Variants in MINK1 observed in about 807,000 individuals in gnomAD.
The protein encoded by MINK1 is misshapen like kinase 1, also known as misshapen-like kinase 1.
Under a neutral mutation model 178.4 loss-of-function variants are expected in MINK1, and 46 were observed. The ratio of observed to expected loss-of-function variants is 0.26; its 90% CI spans 0.20 to 0.33. The LOEUF (loss-of-function observed/expected upper bound fraction) is 0.33. Ranked by LOEUF, MINK1 falls within the 10% of genes least tolerant of loss-of-function variation. The pLI, the probability that MINK1 is intolerant of heterozygous loss-of-function variation, is 1.00. For synonymous variants in MINK1, 797 were observed against 709.7 expected, an observed-to-expected ratio of 1.12 and a Z score of -1.96; for missense variants, 1,366 against 1,814.9, an observed-to-expected ratio of 0.75 and a Z score of 4.49.
rs1968789762 is a variant in MINK1 at position 4,891,316 on chromosome 17, G to A, written c.1741-140G>A. The A allele has an allele frequency of 1.4e-5, 18 of 1,273,392 alleles. No individual in the cohort carries two copies. The South Asian group carries it at 2.2e-4, about 16-fold the overall frequency. 78.9% of individuals were successfully genotyped at this position (1,273,392 alleles called of 1,614,324 possible). ...TGCTGCCTGTGTCTGTCCTGACTTAGCTGTCATCAGGCTCAAGGAACCCCT... is the reference window on the plus strand; with the variant it reads ...TGCTGCCTGTGTCTGTCCTGACTTAACTGTCATCAGGCTCAAGGAACCCCT... On this transcript the variant is annotated intron_variant, in intron 15 of 31. Coordinates refer to ENST00000355280, the MANE Select transcript of MINK1 (RefSeq NM_153827.5).
chr17:4,838,528 C>T (rs2150731778), intron 1 of MINK1, among the ~76,000 whole-genome samples: 1 of 152,282 alleles, frequency 6.6e-6, no homozygotes, highest in Middle Eastern at 3.4e-3. Context: ...GACAGGGTAG[C>T]ACACACAACT....
rs184532418 is a variant in MINK1, at chr17:4,867,496, T to A, written c.58-10821T>A. Among the ~76,000 whole-genome samples, 545 of 151,358 alleles carry A rather than the reference T, an allele frequency of 3.6e-3. 2 individuals are homozygous for A. Among genetic ancestry groups the A allele is most frequent in the Non-Finnish European group, 5.9e-3 (399 of 67,822 alleles). On this transcript the variant is annotated intron_variant, in intron 1 of 31. Coordinates refer to ENST00000355280, the MANE Select transcript of MINK1 (RefSeq NM_153827.5). Reference sequence around the variant, plus strand: ...GAGACCTAGCTCTAAAAAAGAATAATAATTAAAATTTTTAAAAATTGGGCC... The same window carrying A: ...GAGACCTAGCTCTAAAAAAGAATAAAAATTAAAATTTTTAAAAATTGGGCC...
intron 1 of MINK1, among the ~76,000 whole-genome samples, chr17:4,842,636 A>G (rs935091687): frequency 6.6e-6 from 1 of 152,168 alleles, no homozygotes; most frequent in African/African-American, 2.4e-5. Context: ...GCACATTTTT[A>G]AGAAAGTGGC....
At chr17:4,892,059 G>T (rs1310596697) in intron 16 of MINK1, 90 bp from the exon 17 acceptor site, 4 of 1,063,960 alleles carry the variant, frequency 3.8e-6, no homozygotes, top group Admixed American at 2.4e-5. Context: ...CCATCAAAGT[G>T]GGGGAGCTCA....
At chr17:4,867,074 A>ATAATAATAATAAT (rs75060982) in intron 1 of MINK1, among the ~76,000 whole-genome samples, 1 of 119,966 alleles carries the variant, frequency 8.3e-6, no homozygotes, top group Non-Finnish European at 1.6e-5. Flanking sequence ...ACTCGTCTCA[A>ATAATAATAATAAT]AATAATAATA....
At chr17:4,877,909 C>T (rs1474850779) in intron 1 of MINK1, among the ~76,000 whole-genome samples, 3 of 149,990 alleles carry the variant, frequency 2.0e-5, no homozygotes, top group Non-Finnish European at 4.4e-5. Flanking sequence ...CTCCCAGGTT[C>T]ACGCCATTCT....
At position 4,893,833 on chromosome 17, in the gene MINK1, G is replaced by A. The variant is rs1347264794; in HGVS notation, c.2565-155G>A. On this transcript the variant is annotated intron_variant, in intron 21 of 31. Transcript: ENST00000355280. ...CCTGCCCTGTGTGCCATGCAGGGAA[G>A]CACCTCACGGTGGAGCAGGGGCTAC... The A allele has an allele frequency of 3.5e-6, 3 of 853,428 alleles. No individual in the cohort carries two copies. In the Admixed American group the frequency reaches 9.2e-5, roughly 26 times the overall value. The allele number at this position is 853,428 out of a possible 1,614,324, so 52.9% of individuals were successfully genotyped here.
chr17:4,892,059 G>A, intron 16 of MINK1, 90 bp from the exon 17 acceptor site: 3 of 1,064,080 alleles, frequency 2.8e-6, no homozygotes, highest in Middle Eastern at 4.0e-4. Flanking sequence ...CCATCAAAGT[G>A]GGGGAGCTCA....
Position 4,896,971 on chromosome 17 carries a change from T to C in MINK1, c.3915+158T>C. ...GTCAGCCACTACCACTGCCCTGCGC[T>C]CCCTTCAGATTCCGAGGACTTCCCA... On this transcript the variant is annotated intron_variant, in intron 31 of 31. Coordinates refer to ENST00000355280, the MANE Select transcript of MINK1 (RefSeq NM_153827.5). The surrounding 1 kb of genome is among the most constrained non-coding windows in gnomAD (Gnocchi z 4.6). The C allele has an allele frequency of 1.8e-6, 2 of 1,092,922 alleles. No homozygotes were observed. The highest frequency in any genetic ancestry group is 2.6e-6 in the Non-Finnish European group (2 of 777,156). The allele number at this position is 1,092,922 out of a possible 1,614,324, so 67.7% of individuals were successfully genotyped here.
In MINK1 at chr17:4,887,279, GCA is replaced by G; in HGVS notation, c.1019+103_1019+104del. Reference sequence around the variant, plus strand: ...GGGACTCTCAGCCTGGGGGTGGTGGGCACAGAGAGGTAGAGACTCCTGGAAAC... The same window carrying G: ...GGGACTCTCAGCCTGGGGGTGGTGGGCAGAGAGGTAGAGACTCCTGGAAAC... On this transcript the variant is annotated intron_variant, in intron 11 of 31. Coordinates refer to ENST00000355280, the MANE Select transcript of MINK1 (RefSeq NM_153827.5). The surrounding 1 kb of genome is among the most constrained non-coding windows in gnomAD (Gnocchi z 7.6). 4 of 1,256,612 alleles carry G rather than the reference GCA, an allele frequency of 3.2e-6. No individual in the cohort carries two copies. Among genetic ancestry groups the G allele is most frequent in the Non-Finnish European group, 4.5e-6 (4 of 885,538 alleles). 77.8% of individuals were successfully genotyped at this position (1,256,612 alleles called of 1,614,324 possible).
Position 4,896,476 on chromosome 17 carries a change from C to A in MINK1, c.3663C>A (p.Thr1221=), listed in dbSNP as rs375006681. The change falls in exon 30 of 32, where the codon ACC becomes ACA. Residue 1221 remains threonine, a synonymous_variant. Coordinates refer to ENST00000355280, the MANE Select transcript of MINK1 (RefSeq NM_153827.5). This position sits in a 1 kb window ranked among gnomAD's most constrained non-coding sequence, Gnocchi z 4.6. The part of the protein sequence containing the change: ...TPHAIIFLPN[T]DGMEMLLCYE... ...ATGCCATCATCTTCCTCCCCAACAC[C>A]GACGGCATGGAGATGCTGCTGTGCT... 1.1e-5 allele frequency: 18 copies of A among 1,613,938 alleles called. No individual in the cohort carries two copies. Among genetic ancestry groups the A allele is most frequent in the Non-Finnish European group, 1.4e-5 (17 of 1,179,862 alleles).
chr17:4,881,143 A>G lies in MINK1; in HGVS notation c.192A>G (p.Glu64=). Residue 64 remains glutamate, a synonymous_variant, in exon 4 of 32, where the codon GAA becomes GAG. Transcript: ENST00000355280. ...KVMDVTEDEE[E]EIKQEINMLK... is the part of the protein sequence containing the mutation. ...TCCCATCTGCTTAGGACGAGGAGGA[A>G]GAGATCAAACAGGAGATCAACATGC... is the stretch of plus-strand genomic sequence containing the variant. The G allele has an allele frequency of 1.3e-6, 2 of 1,537,126 alleles. No homozygotes were observed. The highest frequency in any genetic ancestry group is 1.7e-6 in the Non-Finnish European group (2 of 1,146,848).
In MINK1 at chr17:4,891,623, C is replaced by A; in HGVS notation, c.1908C>A (p.Val636=). 6.2e-7 allele frequency: 1 copy of A among 1,602,430 alleles called. No homozygotes were observed. Among genetic ancestry groups the A allele is most frequent in the Non-Finnish European group, 8.5e-7 (1 of 1,175,184 alleles). Residue 636 remains valine, a synonymous_variant, in exon 16 of 32, where the codon GTC becomes GTA. Transcript: ENST00000355280. ...CCACGCCCAGTGCCCGAGGAGCTGT[C>A]ATCCGCCAGAATTCAGACCCCACCT... ...PTATPSARGA[V]IRQNSDPTSE...
chr17:4,889,508 A>G, intron 12 of MINK1, 139 bp from the exon 13 acceptor site: 2 of 749,530 alleles, frequency 2.7e-6, no homozygotes, highest in Admixed American at 4.3e-5. Context: ...GGATGGGTAT[A>G]GTTGCAGAAA....
intron 1 of MINK1, among the ~76,000 whole-genome samples, chr17:4,846,979 G>A (rs1037078541): frequency 8.5e-5 from 13 of 152,292 alleles, no homozygotes; most frequent in African/African-American, 3.1e-4. Flanking sequence ...TGGTCAGTGT[G>A]GAGTCCAAAG....
chr17:4,851,916 C>G (rs533074362), intron 1 of MINK1, among the ~76,000 whole-genome samples: 1 of 145,328 alleles, frequency 6.9e-6, no homozygotes, highest in South Asian at 2.2e-4. Context: ...AGGAGAATCA[C>G]TTGAATCGGG....
In MINK1 at chr17:4,887,225, T is replaced by G. The variant is rs1968294641; in HGVS notation, c.1019+46T>G. On this transcript the variant is annotated intron_variant, in intron 11 of 31. Transcript: ENST00000355280. The surrounding 1 kb of genome is among the most constrained non-coding windows in gnomAD (Gnocchi z 7.6). ...GGGGGTTGGGGCGGTCATCGCTGAG[T>G]GGGGGGACTACAGTGGTGCTTGGCT... The G allele has an allele frequency of 1.3e-6, 2 of 1,521,766 alleles. No individual in the cohort carries two copies. Among genetic ancestry groups the G allele is most frequent in the East Asian group, 2.4e-5 (1 of 41,846 alleles). The allele number at this position is 1,521,766 out of a possible 1,614,324, so 94.3% of individuals were successfully genotyped here.
chr17:4,892,039 G>C (rs991688177), intron 16 of MINK1, 110 bp from the exon 17 acceptor site: 1 of 932,874 alleles, frequency 1.1e-6, no homozygotes, highest in East Asian at 2.6e-5. Context: ...CTGAACCTCA[G>C]TTTTCTCATC....
chr17:4,891,220 A>ACACC, intron 15 of MINK1, 96 bp downstream of exon 15: 2 of 943,186 alleles, frequency 2.1e-6, no homozygotes, highest in Non-Finnish European at 3.1e-6. Flanking sequence ...ACACACACAC[A>ACACC]CACACCTGCT....
Sources: gnomAD v4.1 joint callset for allele counts (sites outside exome capture counted in the v4.1 genomes callset) on GRCh38, gnomAD v4.1.1 for gene constraint, Gnocchi (gnomAD v3.1) non-coding constraint, MANE v1.5 for transcripts, NCBI Gene and HGNC (gene_info 2026-07-23, HGNC 2026-07-21) for gene names.